The following RASSF3 variants were observed in gnomAD, a reference collection of about 807,000 sequenced individuals.
RASSF3 encodes ras association domain-containing protein 3.
A neutral mutation model predicts 19.9 loss-of-function variants in RASSF3; 19 were observed. That is an observed-to-expected ratio of 0.96 (90% CI 0.67 to 1.40). The LOEUF (loss-of-function observed/expected upper bound fraction) is 1.40. Among genes scored for constraint, RASSF3 ranks in the 40% most tolerant of loss-of-function variants. RASSF3 has a pLI of 0.00. For synonymous variants in RASSF3, 110 were observed against 104.2 expected (o/e 1.06, Z -0.34); for missense variants, 306 against 289.8 (o/e 1.06, Z -0.41).
At chr12:64,604,992 T>A (rs1350550357) in intron 2 of RASSF3, among the ~76,000 whole-genome samples, 1 of 151,140 alleles carries the variant, frequency 6.6e-6, no homozygotes, top group African/African-American at 2.4e-5. Flanking sequence ...TATTTTATTT[T>A]TATTTTTTTT....
chr12:64,661,690 T>C (rs1460523973), intron 1 of RASSF3, among the ~76,000 whole-genome samples: 1 of 144,538 alleles, frequency 6.9e-6, no homozygotes, highest in African/African-American at 2.5e-5. Flanking sequence ...TTTTTTTTTT[T>C]TTTTTTTTTT....
chr12:64,547,403 C>T (rs1404824339), intron 2 of RASSF3, among the ~76,000 whole-genome samples: 1 of 151,918 alleles, frequency 6.6e-6, no homozygotes, highest in African/African-American at 2.4e-5. Flanking sequence ...CCCATCTCTA[C>T]TAAAAATACA....
chr12:64,681,496 A>G (rs931646634), intron 1 of RASSF3, among the ~76,000 whole-genome samples: 12 of 152,186 alleles, frequency 7.9e-5, no homozygotes, highest in African/African-American at 2.9e-4. Context: ...GGTGTGGTGC[A>G]CTTTCTGCAA....
chr12:64,515,722 G>A (rs1301605550), intron 1 of RASSF3: 3 of 151,978 alleles, frequency 2.0e-5, no homozygotes, highest in African/African-American at 4.8e-5. Context: ...TGGGGGACTC[G>A]TTATGTTGCC....
chr12:64,647,568 G>T (rs1442177775), intron 1 of RASSF3, among the ~76,000 whole-genome samples: 1 of 151,848 alleles, frequency 6.6e-6, no homozygotes, highest in Non-Finnish European at 1.5e-5. Context: ...CCACCACCAC[G>T]CCCGGCTAAT....
chr12:64,533,706 A>G (rs1868763326), intron 1 of RASSF3: 1 of 152,206 alleles, frequency 6.6e-6, no homozygotes, highest in Non-Finnish European at 1.5e-5. Context: ...TTATAAATAT[A>G]AAGGACAAGT....
At chr12:64,688,099 A>G in intron 2 of RASSF3, 117 bp from the exon 3 acceptor site, 1 of 774,796 alleles carries the variant, frequency 1.3e-6, no homozygotes, top group Non-Finnish European at 2.2e-6. Flanking sequence ...GTTCTGCCAC[A>G]AACCTCAAGA....
At chr12:64,641,734 T>C (rs1362324775) in intron 1 of RASSF3, among the ~76,000 whole-genome samples, 2 of 150,386 alleles carry the variant, frequency 1.3e-5, no homozygotes, top group Non-Finnish European at 3.0e-5. Flanking sequence ...CTTGTGACTT[T>C]AAAGTACCTA....
intron 1 of RASSF3, among the ~76,000 whole-genome samples, chr12:64,670,544 CTT>C (rs34897392): frequency 0.017 from 2,267 of 131,286 alleles, 44 homozygotes; most frequent in African/African-American, 0.058. Flanking sequence ...CTCTCTCTCT[CTT>C]TTTTTTTTTT....
At chr12:64,649,145 C>T (rs981601020) in intron 1 of RASSF3, among the ~76,000 whole-genome samples, 4 of 151,580 alleles carry the variant, frequency 2.6e-5, no homozygotes, top group Non-Finnish European at 5.9e-5. Flanking sequence ...TTGGTCTGAC[C>T]CTGGAGCTTC....
upstream of RASSF3, among the ~76,000 whole-genome samples, chr12:64,529,788 G>T (rs1395473195): frequency 1.3e-5 from 2 of 152,076 alleles, no homozygotes; most frequent in African/African-American, 4.8e-5. Flanking sequence ...ATATGATTTG[G>T]AAAATATTTT....
intron 1 of RASSF3, among the ~76,000 whole-genome samples, chr12:64,652,985 C>T (rs978365999): frequency 2.0e-5 from 3 of 152,056 alleles, no homozygotes; most frequent in African/African-American, 4.8e-5. Context: ...AAGGATCTGT[C>T]CCAGGCCTCT....
At chr12:64,604,484 T>A (rs1182102436) in intron 2 of RASSF3, among the ~76,000 whole-genome samples, 2 of 151,940 alleles carry the variant, frequency 1.3e-5, no homozygotes, top group African/African-American at 4.8e-5. Flanking sequence ...TCAGTTATTA[T>A]ACCATTTATT....
intron 1 of RASSF3, among the ~76,000 whole-genome samples, chr12:64,640,786 G>A (rs1871488830): frequency 6.6e-6 from 1 of 152,032 alleles, no homozygotes; most frequent in African/African-American, 2.4e-5. Flanking sequence ...GGGACTAGAG[G>A]CATGTGCCAC....
intron 2 of RASSF3, among the ~76,000 whole-genome samples, chr12:64,602,815 G>A (rs1277108584): frequency 6.6e-6 from 1 of 151,664 alleles, no homozygotes; most frequent in African/African-American, 2.4e-5. Context: ...CAAACTCAGG[G>A]TGTAGGCCAG....
intron 1 of RASSF3, among the ~76,000 whole-genome samples, chr12:64,515,207 C>T (rs916107966): frequency 3.3e-5 from 5 of 152,064 alleles, no homozygotes. Context: ...TAGGCGTCCA[C>T]CACCACACCC....
chr12:64,523,456 A>G (rs1868520859), intron 1 of RASSF3, among the ~76,000 whole-genome samples: 2 of 152,064 alleles, frequency 1.3e-5, no homozygotes, highest in Admixed American at 1.3e-4. Context: ...TTGTACAGAC[A>G]TTGCTTTGTG....
chr12:64,581,980 C>T lies in RASSF3; in HGVS notation c.294+40275C>T, dbSNP rs570066189. On this transcript the variant is annotated intron_variant, in intron 2 of 5. Transcript: ENST00000637125. Reference sequence around the variant, plus strand: ...CCTTCCAGGCTCAAACAGATCCTTCCACCTCAGTCTCCTGAGTAGCTGGGA... The same window carrying T: ...CCTTCCAGGCTCAAACAGATCCTTCTACCTCAGTCTCCTGAGTAGCTGGGA... Among the ~76,000 whole-genome samples the T allele has an allele frequency of 7.2e-5, 11 of 152,038 alleles. No homozygotes were observed. In the South Asian group the frequency reaches 2.3e-3, roughly 32 times the overall value.
chr12:64,600,974 T>C (rs1250250684), intron 2 of RASSF3, among the ~76,000 whole-genome samples: 2 of 152,192 alleles, frequency 1.3e-5, no homozygotes, highest in Non-Finnish European at 2.9e-5. Flanking sequence ...TATTCTATTT[T>C]TATCCATCTA....
Sources: gnomAD v4.1 joint callset for allele counts (sites outside exome capture counted in the v4.1 genomes callset) on GRCh38, gnomAD v4.1.1 for gene constraint, MANE v1.5 for transcripts, NCBI Gene and HGNC (gene_info 2026-07-23, HGNC 2026-07-21) for gene names.